The following SAMD5 variants were observed in gnomAD, a reference collection of about 807,000 sequenced individuals.
SAMD5 encodes sterile alpha motif domain-containing protein 5.
In SAMD5, 13 loss-of-function variants were observed where a neutral mutation model predicts 11.3. The ratio of observed to expected loss-of-function variants is 1.15; its 90% CI spans 0.75 to 1.83. The LOEUF is 1.83. Ranked by LOEUF, SAMD5 falls within the 40% of genes most tolerant of loss-of-function variation. The probability of loss-of-function intolerance (pLI) is 0.00; values close to 1 mark genes in which losing one functional copy is unlikely to be tolerated. For synonymous variants in SAMD5, 129 were observed against 111.3 expected, an observed-to-expected ratio of 1.16 and a Z score of -1.00; for missense variants, 255 against 239.1, an observed-to-expected ratio of 1.07 and a Z score of -0.44.
chr6:147,743,865 A>G, the SAMD5 span, among the ~76,000 whole-genome samples: 1 of 152,256 alleles, frequency 6.6e-6, no homozygotes, highest in African/African-American at 2.4e-5. Flanking sequence ...TTGGGACTTA[A>G]TAGAGTCTGT....
chr6:147,628,738 A>G (rs1460432771), intron 1 of SAMD5, among the ~76,000 whole-genome samples: 1 of 152,168 alleles, frequency 6.6e-6, no homozygotes, highest in Non-Finnish European at 1.5e-5. Context: ...CCATGGGAAT[A>G]GGGGAGAGGC....
chr6:147,701,700 G>A (rs1791255957), intron 1 of SAMD5, among the ~76,000 whole-genome samples: 1 of 151,780 alleles, frequency 6.6e-6, no homozygotes, highest in Non-Finnish European at 1.5e-5. Context: ...TTCAGTTAGA[G>A]GGTTCATTTT....
At chr6:147,915,068 G>C in the SAMD5 span, among the ~76,000 whole-genome samples, 1 of 152,130 alleles carries the variant, frequency 6.6e-6, no homozygotes, top group Non-Finnish European at 1.5e-5. Context: ...ATGGGGGAAA[G>C]AAATGCCGAA....
chr6:147,859,136 TC>T, the SAMD5 span, among the ~76,000 whole-genome samples: 6 of 152,152 alleles, frequency 3.9e-5, no homozygotes, highest in African/African-American at 1.4e-4. Context: ...TTTACTACCC[TC>T]GGAGATGGGC....
At chr6:147,769,093 G>C in the SAMD5 span, among the ~76,000 whole-genome samples, 2 of 152,180 alleles carry the variant, frequency 1.3e-5, no homozygotes, top group East Asian at 3.9e-4. Flanking sequence ...CACGCCTGCT[G>C]CCTCTGGCAT....
chr6:147,902,320 T>C, the SAMD5 span, among the ~76,000 whole-genome samples: 1 of 152,176 alleles, frequency 6.6e-6, no homozygotes, highest in Non-Finnish European at 1.5e-5. Flanking sequence ...AGGCATAATG[T>C]GAATGAAACT....
At chr6:147,643,095 T>G (rs1445737238) in intron 1 of SAMD5, among the ~76,000 whole-genome samples, 3 of 152,232 alleles carry the variant, frequency 2.0e-5, no homozygotes, top group Non-Finnish European at 4.4e-5. Context: ...ATCTATTTCA[T>G]ACCCTCCACT....
the SAMD5 span, among the ~76,000 whole-genome samples, chr6:147,908,972 G>T: frequency 6.6e-6 from 1 of 152,156 alleles, no homozygotes; most frequent in South Asian, 2.1e-4. Flanking sequence ...ACTTTGGGAG[G>T]CCAAGGTGGG....
chr6:147,530,726 A>C (rs1328273451), intron 1 of SAMD5, among the ~76,000 whole-genome samples: 8 of 152,208 alleles, frequency 5.3e-5, no homozygotes, highest in Non-Finnish European at 1.5e-5. Flanking sequence ...GCAAAGGTGC[A>C]AATGGCTTGG....
the SAMD5 span, among the ~76,000 whole-genome samples, chr6:147,913,792 T>A: frequency 6.6e-6 from 1 of 152,232 alleles, no homozygotes; most frequent in Non-Finnish European, 1.5e-5. Flanking sequence ...AACTATCTCT[T>A]TAAAAACATT....
chr6:147,829,640 T>G, the SAMD5 span, among the ~76,000 whole-genome samples: 7,115 of 152,250 alleles, frequency 0.047, 191 homozygotes, highest in African/African-American at 0.067. Flanking sequence ...TGTGCATGCA[T>G]GCACATTTAG....
chr6:147,833,264 T>C, the SAMD5 span, among the ~76,000 whole-genome samples: 11 of 152,360 alleles, frequency 7.2e-5, no homozygotes, highest in African/African-American at 2.4e-4. Context: ...TTCTTCTTTG[T>C]GGCACCTATT....
chr6:147,594,771 T>C (rs1054301551), intron 1 of SAMD5, among the ~76,000 whole-genome samples: 1 of 152,124 alleles, frequency 6.6e-6, no homozygotes, highest in African/African-American at 2.4e-5. Flanking sequence ...AATTTGGCCA[T>C]ATGAAGAAAA....
intron 1 of SAMD5, among the ~76,000 whole-genome samples, chr6:147,618,035 A>G (rs1444767388): frequency 6.6e-6 from 1 of 152,226 alleles, no homozygotes; most frequent in Non-Finnish European, 1.5e-5. Flanking sequence ...AATAAATTTC[A>G]GCTTAGAATA....
intron 1 of SAMD5, among the ~76,000 whole-genome samples, chr6:147,524,203 G>A (rs900485791): frequency 2.6e-5 from 4 of 151,696 alleles, no homozygotes; most frequent in African/African-American, 9.7e-5. Flanking sequence ...TGACTCTTCC[G>A]CTCTTCTTCT....
intron 1 of SAMD5, among the ~76,000 whole-genome samples, chr6:147,555,142 C>T (rs951491163): frequency 7.2e-5 from 11 of 152,180 alleles, no homozygotes; most frequent in Admixed American, 7.2e-4. Context: ...ATTAAATCTC[C>T]ACCTTTGTGT....
At chr6:147,800,933 A>T in the SAMD5 span, among the ~76,000 whole-genome samples, 2 of 152,142 alleles carry the variant, frequency 1.3e-5, no homozygotes, top group African/African-American at 4.8e-5. Context: ...TATTTTATTG[A>T]TAAGGGCATA....
chr6:147,584,329 G>T (rs1184999735), intron 1 of SAMD5, among the ~76,000 whole-genome samples: 1 of 152,112 alleles, frequency 6.6e-6, no homozygotes, highest in East Asian at 1.9e-4. Flanking sequence ...ACTATCTTTT[G>T]CCTTTATCTT....
Position 147,511,208 on chromosome 6 carries a change from G to A in SAMD5, c.459+1821G>A, listed in dbSNP as rs957133641. On this transcript the variant is annotated intron_variant, in intron 1 of 1. Transcript: ENST00000367474. ...ACACCGTGGGCTGGAGGTGAGAAGC[G>A]TAAGCTTGAAGTGACACATTTTAGT... Among the ~76,000 whole-genome samples, 8 of 152,210 alleles carry A rather than the reference G, an allele frequency of 5.3e-5. 1 individual carries two copies. Among genetic ancestry groups the A allele is most frequent in the Admixed American group, 2.6e-4 (4 of 15,284 alleles).
Sources: gnomAD v4.1 joint callset for allele counts (sites outside exome capture counted in the v4.1 genomes callset) on GRCh38, gnomAD v4.1.1 for gene constraint, MANE v1.5 for transcripts, NCBI Gene and HGNC (gene_info 2026-07-23, HGNC 2026-07-21) for gene names.